Variants in SPON1 observed in about 807,000 individuals in gnomAD.
SPON1 encodes spondin-1.
In SPON1, 52 loss-of-function variants were observed where a neutral mutation model predicts 111.7. The ratio of observed to expected loss-of-function variants is 0.47; its 90% confidence interval spans 0.37 to 0.59. SPON1 has a LOEUF of 0.59. Ranked by LOEUF, SPON1 falls within the 20% of genes least tolerant of loss-of-function variation. The pLI, the probability that SPON1 is intolerant of heterozygous loss-of-function variation, is 0.00. For missense variants in SPON1, 957 were observed against 1,068.5 expected (o/e 0.90, Z 1.46); for synonymous variants, 410 against 395.8 (o/e 1.04, Z -0.43).
chr11:14,047,745 G>C (rs1237834179), intron 3 of SPON1, among the ~76,000 whole-genome samples: 1 of 152,192 alleles, frequency 6.6e-6, no homozygotes, highest in Non-Finnish European at 1.5e-5. Flanking sequence ...ACTGAAGTGA[G>C]AGCAAACATG....
chr11:14,264,831 G>A (rs1252786177), intron 15 of SPON1, among the ~76,000 whole-genome samples: 1 of 152,216 alleles, frequency 6.6e-6, no homozygotes, highest in Non-Finnish European at 1.5e-5. Flanking sequence ...TTTTCTTGGA[G>A]AGCAGCATGT....
intron 2 of SPON1, among the ~76,000 whole-genome samples, chr11:13,984,322 C>T (rs1331178162): frequency 6.6e-6 from 1 of 151,960 alleles, no homozygotes; most frequent in African/African-American, 2.4e-5. Flanking sequence ...TGTTTTAGTC[C>T]ATTTTGTGTT....
At chr11:14,060,528 A>G (rs1426201691) in intron 3 of SPON1, among the ~76,000 whole-genome samples, 3 of 152,166 alleles carry the variant, frequency 2.0e-5, no homozygotes, top group Non-Finnish European at 2.9e-5. Flanking sequence ...CCTACCTCAT[A>G]GGCAGGAGAA....
At chr11:13,989,531 A>C (rs2133785748) in intron 2 of SPON1, among the ~76,000 whole-genome samples, 1 of 151,412 alleles carries the variant, frequency 6.6e-6, no homozygotes, top group Middle Eastern at 3.4e-3. Context: ...AGGGTTTTTC[A>C]TGTCTCTATC....
chr11:13,981,715 G>T (rs1259382160), intron 1 of SPON1, among the ~76,000 whole-genome samples: 1 of 152,200 alleles, frequency 6.6e-6, no homozygotes, highest in Non-Finnish European at 1.5e-5. Flanking sequence ...TGTAACAGGT[G>T]GCCCTCCACA....
intron 6 of SPON1, among the ~76,000 whole-genome samples, chr11:14,229,228 G>A (rs988451470): frequency 6.6e-6 from 1 of 152,198 alleles, no homozygotes; most frequent in Non-Finnish European, 1.5e-5. Flanking sequence ...TATGACGTGG[G>A]TACTTTGCTA....
intron 3 of SPON1, among the ~76,000 whole-genome samples, chr11:14,070,032 C>A (rs1848862849): frequency 6.6e-6 from 1 of 152,128 alleles, no homozygotes; most frequent in South Asian, 2.1e-4. Flanking sequence ...ATGTACACAG[C>A]CTTTGGATAA....
chr11:14,198,088 C>T (rs544023774), intron 6 of SPON1, among the ~76,000 whole-genome samples: 4 of 152,312 alleles, frequency 2.6e-5, no homozygotes, highest in East Asian at 1.9e-4. Context: ...ACCATCTAGA[C>T]GATAACTAGA....
intron 3 of SPON1, among the ~76,000 whole-genome samples, chr11:14,048,315 A>G (rs1158416699): frequency 6.6e-6 from 1 of 152,202 alleles, no homozygotes; most frequent in Non-Finnish European, 1.5e-5. Flanking sequence ...GGGGATACCA[A>G]CTGTGCTGCA....
chr11:14,202,129 T>C (rs1374586182), intron 6 of SPON1, among the ~76,000 whole-genome samples: 3 of 152,218 alleles, frequency 2.0e-5, no homozygotes, highest in Admixed American at 2.0e-4. Context: ...AATTGAACAC[T>C]GTGGGAACCA....
rs1313660255 is a variant in SPON1 at position 14,265,718 on chromosome 11, T to C, written c.*31T>C. 2.5e-6 allele frequency: 4 copies of C among 1,603,706 alleles called. No homozygotes were observed. The African/African-American group carries it at 5.4e-5, about 22-fold the overall frequency. ...GTACGAGTTCCCCAGGGCTGCACTC[T>C]AGATTCCAGAGTCACCAATGGCTGG... On this transcript the variant is annotated 3_prime_UTR_variant, in exon 16 of 16. Transcript: ENST00000576479.
intron 3 of SPON1, among the ~76,000 whole-genome samples, chr11:14,044,347 C>T (rs1848652905): frequency 6.6e-6 from 1 of 152,178 alleles, no homozygotes; most frequent in South Asian, 2.1e-4. Flanking sequence ...CACAGTGGCT[C>T]ATGCCTATAA....
chr11:14,249,494 C>G (rs1228709569), intron 7 of SPON1, among the ~76,000 whole-genome samples: 1 of 152,208 alleles, frequency 6.6e-6, no homozygotes, highest in African/African-American at 2.4e-5. Flanking sequence ...CACACACACC[C>G]CTGCAGAACT....
chr11:14,251,237 C>T lies in SPON1; in HGVS notation c.891-3291C>T, dbSNP rs117527419. Among the ~76,000 whole-genome samples, 829 of 152,338 alleles carry T rather than the reference C, an allele frequency of 5.4e-3. 2 individuals carry two copies. The highest frequency in any genetic ancestry group is 9.0e-3 in the Non-Finnish European group (612 of 68,034). On this transcript the variant is annotated intron_variant, in intron 7 of 15. Coordinates refer to ENST00000576479, the MANE Select transcript of SPON1 (RefSeq NM_006108.4). Reference sequence around the variant, plus strand: ...TCTGAAAATGCTATCAAATTGTTCTCAGGCCCTTATAGATTCAGATTTACT... The same window carrying T: ...TCTGAAAATGCTATCAAATTGTTCTTAGGCCCTTATAGATTCAGATTTACT...
intron 6 of SPON1, among the ~76,000 whole-genome samples, chr11:14,185,637 T>A (rs1447988485): frequency 6.6e-6 from 1 of 152,180 alleles, no homozygotes; most frequent in Non-Finnish European, 1.5e-5. Context: ...CAGAGTAAAG[T>A]TGGGTTAATG....
At chr11:14,106,044 G>C (rs1390801957) in intron 5 of SPON1, among the ~76,000 whole-genome samples, 1 of 152,138 alleles carries the variant, frequency 6.6e-6, no homozygotes, top group East Asian at 1.9e-4. Context: ...TGTAGCTTAA[G>C]TAGTCACCTG....
At chr11:13,983,503 G>A (rs1848160141) in intron 2 of SPON1, among the ~76,000 whole-genome samples, 1 of 152,178 alleles carries the variant, frequency 6.6e-6, no homozygotes. Context: ...ACCTCCTCAA[G>A]GGGAAGCTTC....
chr11:14,087,958 C>CT (rs1363498413), intron 5 of SPON1, among the ~76,000 whole-genome samples: 2 of 151,750 alleles, frequency 1.3e-5, no homozygotes, highest in East Asian at 1.9e-4. Context: ...ACTAGGACTG[C>CT]TTTTTTTGGC....
At chr11:14,023,642 A>G (rs1177552868) in intron 2 of SPON1, among the ~76,000 whole-genome samples, 1 of 152,214 alleles carries the variant, frequency 6.6e-6, no homozygotes, top group East Asian at 1.9e-4. Flanking sequence ...CAGCCTGCCA[A>G]CTGGGAACAC....
Sources: allele counts gnomAD v4.1 joint callset (sites outside exome capture counted in the v4.1 genomes callset), GRCh38; gene constraint gnomAD v4.1.1; transcripts MANE v1.5; gene names NCBI Gene and HGNC (gene_info 2026-07-23, HGNC 2026-07-21).